The following OPCML variants were observed in gnomAD, a reference collection of about 807,000 sequenced individuals.
OPCML encodes the protein opioid binding protein/cell adhesion molecule like, also known as opioid-binding protein/cell adhesion molecule.
OPCML carries 13 observed loss-of-function variants against 37.8 expected under a neutral mutation model. The ratio of observed to expected loss-of-function variants is 0.34; its 90% CI spans 0.22 to 0.55. The LOEUF is 0.55. Ranked by LOEUF, OPCML falls within the 20% of genes least tolerant of loss-of-function variation. The pLI is 0.91. For synonymous variants in OPCML, 176 were observed against 168.8 expected (o/e 1.04, Z -0.33); for missense variants, 341 against 435.6 (o/e 0.78, Z 1.93).
At chr11:133,514,646 G>A (rs1205397106) in intron 1 of OPCML, among the ~76,000 whole-genome samples, 1 of 152,038 alleles carries the variant, frequency 6.6e-6, no homozygotes, top group Non-Finnish European at 1.5e-5. Flanking sequence ...TTTTCAAATT[G>A]GCTCAGTACT....
intron 1 of OPCML, among the ~76,000 whole-genome samples, chr11:133,472,713 T>A (rs1476660035): frequency 6.6e-6 from 1 of 152,066 alleles, no homozygotes; most frequent in East Asian, 1.9e-4. Flanking sequence ...CTGCAAGGAA[T>A]CCTTTCATTT....
intron 1 of OPCML, among the ~76,000 whole-genome samples, chr11:133,294,588 C>A: frequency 6.6e-6 from 1 of 151,684 alleles, no homozygotes; most frequent in Admixed American, 6.6e-5. Flanking sequence ...GGAGGTGGAC[C>A]AAGCTGATAA....
intron 4 of OPCML, among the ~76,000 whole-genome samples, chr11:132,455,160 C>A (rs1033629102): frequency 3.3e-5 from 5 of 152,236 alleles, no homozygotes; most frequent in African/African-American, 1.2e-4. Flanking sequence ...GTTTGCGCAT[C>A]TCATTTCTGT....
At chr11:132,883,904 A>G (rs1026830358) in intron 2 of OPCML, among the ~76,000 whole-genome samples, 1 of 152,208 alleles carries the variant, frequency 6.6e-6, no homozygotes, top group Non-Finnish European at 1.5e-5. Flanking sequence ...TTTAAGCTCT[A>G]TTCAATATGC....
At chr11:132,556,223 G>A (rs1417824554) in intron 3 of OPCML, among the ~76,000 whole-genome samples, 1 of 152,168 alleles carries the variant, frequency 6.6e-6, no homozygotes, top group Non-Finnish European at 1.5e-5. Context: ...GATCACAAGT[G>A]TGAGCCACTG....
intron 1 of OPCML, chr11:133,026,522 G>T: frequency 1.0e-6 from 1 of 985,282 alleles, no homozygotes; most frequent in Non-Finnish European, 1.2e-6. Flanking sequence ...TTTTTCTCTT[G>T]TTTTCCCATC....
chr11:133,138,857 A>G (rs543823565), intron 1 of OPCML, among the ~76,000 whole-genome samples: 15 of 152,270 alleles, frequency 9.9e-5, no homozygotes, highest in African/African-American at 3.1e-4. Context: ...TGAGCTCCTA[A>G]GCATTGCCCG....
In OPCML at chr11:133,499,791, CAT is replaced by C. The variant is rs1307202102; in HGVS notation, c.61+32471_61+32472del. On this transcript the variant is annotated intron_variant, in intron 1 of 7. Coordinates refer to ENST00000524381, the MANE Select transcript of OPCML (RefSeq NM_001012393.5). ...AAATAAATATATATATATATATACA[CAT>C]ATATATATGTGTGTGTATATATATA... is the stretch of plus-strand genomic sequence containing the variant. 2.9e-3 allele frequency among the ~76,000 whole-genome samples: 403 copies of C among 139,556 alleles called. 5 individuals are homozygous for C. The highest frequency in any genetic ancestry group is 0.01 in the African/African-American group (380 of 36,310). The allele number at this position is 139,556 out of a possible 152,430, so 91.6% of individuals were successfully genotyped here.
At position 132,992,302 on chromosome 11, in the gene OPCML, T is replaced by C. The variant is rs777921593; in HGVS notation, c.62-49292A>G. On this transcript the variant is annotated intron_variant, in intron 1 of 7. Transcript: ENST00000524381. ...ACACACTCACTCATCCGGACACATATATTTCTTCTCTGAAATATATGTATA... is the reference window on the plus strand; with the variant it reads ...ACACACTCACTCATCCGGACACATACATTTCTTCTCTGAAATATATGTATA... Among the ~76,000 whole-genome samples the C allele has an allele frequency of 2.0e-4, 30 of 152,224 alleles. No homozygotes were observed. In the South Asian group the frequency reaches 2.1e-3, roughly 11 times the overall value.
At chr11:133,441,995 C>A (rs987052442) in intron 1 of OPCML, among the ~76,000 whole-genome samples, 1 of 152,018 alleles carries the variant, frequency 6.6e-6, no homozygotes, top group Admixed American at 6.6e-5. Context: ...AATAATAATA[C>A]CTAATGTTTA....
chr11:132,703,229 G>C (rs1385545926), intron 2 of OPCML, among the ~76,000 whole-genome samples: 1 of 152,084 alleles, frequency 6.6e-6, no homozygotes, highest in Non-Finnish European at 1.5e-5. Flanking sequence ...ATTGCTCCTA[G>C]GCTATAGGCA....
At chr11:132,551,154 A>G (rs906153225) in intron 3 of OPCML, among the ~76,000 whole-genome samples, 1 of 152,176 alleles carries the variant, frequency 6.6e-6, no homozygotes, top group African/African-American at 2.4e-5. Context: ...AACTTTCAGA[A>G]CCAAGGGCCA....
intron 3 of OPCML, among the ~76,000 whole-genome samples, chr11:132,634,514 G>A (rs1213910170): frequency 6.6e-6 from 1 of 152,200 alleles, no homozygotes; most frequent in African/African-American, 2.4e-5. Flanking sequence ...CCATGCCTCA[G>A]TAGTTACATG....
intron 3 of OPCML, among the ~76,000 whole-genome samples, chr11:132,566,943 A>C (rs969251073): frequency 1.2e-5 from 1 of 81,902 alleles, no homozygotes; most frequent in African/African-American, 5.8e-5. Flanking sequence ...AACACGGTGC[A>C]TACGGCAACA....
chr11:132,478,695 T>C (rs754264804), intron 4 of OPCML, among the ~76,000 whole-genome samples: 4 of 152,226 alleles, frequency 2.6e-5, no homozygotes, highest in Non-Finnish European at 4.4e-5. Context: ...ATCATCAAGA[T>C]AATACTGCTT....
At chr11:132,525,826 A>T (rs2096306767) in intron 4 of OPCML, 1 of 152,222 alleles carries the variant, frequency 6.6e-6, no homozygotes, top group South Asian at 2.1e-4. Flanking sequence ...TTAGGTATAA[A>T]ATTGGAACGA....
At chr11:133,175,722 G>A (rs1340601509) in intron 1 of OPCML, among the ~76,000 whole-genome samples, 4 of 150,276 alleles carry the variant, frequency 2.7e-5, no homozygotes, top group Non-Finnish European at 4.4e-5. Context: ...TAGATATGAC[G>A]AACCCACTGA....
intron 1 of OPCML, among the ~76,000 whole-genome samples, chr11:133,053,318 G>T (rs1948165828): frequency 6.6e-6 from 1 of 152,198 alleles, no homozygotes; most frequent in South Asian, 2.1e-4. Context: ...GATGATCACG[G>T]TCATTATCAT....
intron 1 of OPCML, among the ~76,000 whole-genome samples, chr11:133,428,748 T>C (rs1323678413): frequency 1.3e-5 from 2 of 152,192 alleles, no homozygotes; most frequent in African/African-American, 4.8e-5. Context: ...GATATAAAGA[T>C]ATTAATTCTT....
Sources: gnomAD v4.1 joint callset for allele counts (sites outside exome capture counted in the v4.1 genomes callset) on GRCh38, gnomAD v4.1.1 for gene constraint, MANE v1.5 for transcripts, NCBI Gene and HGNC (gene_info 2026-07-23, HGNC 2026-07-21) for gene names.